Variants in CREB5 observed in about 807,000 individuals in gnomAD.
CREB5 encodes the protein cAMP responsive element binding protein 5, also known as cyclic AMP-responsive element-binding protein 5.
Under a neutral mutation model 57.1 loss-of-function variants are expected in CREB5, and 19 were observed. The ratio of observed to expected loss-of-function variants is 0.33; its 90% CI spans 0.23 to 0.49. The LOEUF (loss-of-function observed/expected upper bound fraction) is 0.49. CREB5 is among the 20% of genes least tolerant of loss of function. The pLI is 0.99. For missense variants in CREB5, 579 were observed against 671.6 expected (o/e 0.86, Z 1.52); for synonymous variants, 238 against 238.3 (o/e 1.00, Z 0.01).
At chr7:28,488,010 C>A (rs1471080104) in intron 1 of CREB5, among the ~76,000 whole-genome samples, 165 bp from the exon 2 acceptor site, 1 of 152,170 alleles carries the variant, frequency 6.6e-6, no homozygotes, top group Non-Finnish European at 1.5e-5. Context: ...AGAACTACAG[C>A]CAAGCAGGGC....
chr7:28,346,866 T>A (rs1032368789), intron 1 of CREB5, among the ~76,000 whole-genome samples: 1 of 148,860 alleles, frequency 6.7e-6, no homozygotes, highest in African/African-American at 2.5e-5. Context: ...GAGTGCCAAA[T>A]GGTCATGAAT....
chr7:28,621,247 T>G (rs982067442), intron 5 of CREB5, among the ~76,000 whole-genome samples: 3 of 152,100 alleles, frequency 2.0e-5, no homozygotes, highest in African/African-American at 4.8e-5. Context: ...TCTTGCCAGG[T>G]CAGGTGGTGT....
intron 1 of CREB5, among the ~76,000 whole-genome samples, chr7:28,340,200 C>T (rs1785908204): frequency 6.6e-6 from 1 of 151,912 alleles, no homozygotes; most frequent in East Asian, 1.9e-4. Flanking sequence ...TTTTCTCAAG[C>T]AGAAGGAATC....
At chr7:28,814,936 C>T (rs1809338486) in intron 9 of CREB5, among the ~76,000 whole-genome samples, 6 of 152,102 alleles carry the variant, frequency 3.9e-5, no homozygotes, top group African/African-American at 1.4e-4. Context: ...GTTCATTTTC[C>T]CACAATAACA....
intron 5 of CREB5, among the ~76,000 whole-genome samples, chr7:28,627,628 C>CA (rs1218830083): frequency 2.0e-5 from 3 of 152,004 alleles, no homozygotes; most frequent in Non-Finnish European, 4.4e-5. Context: ...TCTTGAAATG[C>CA]AAAAAAGGGT....
intron 2 of CREB5, among the ~76,000 whole-genome samples, chr7:28,490,708 T>C (rs1022721696): frequency 2.6e-5 from 4 of 152,240 alleles, no homozygotes; most frequent in Non-Finnish European, 4.4e-5. Context: ...CCACTTGTGA[T>C]GACCAAAAAT....
intron 1 of CREB5, among the ~76,000 whole-genome samples, chr7:28,444,721 G>A (rs1482336750): frequency 2.0e-5 from 3 of 152,206 alleles, no homozygotes; most frequent in Non-Finnish European, 4.4e-5. Context: ...GGCACCTGAA[G>A]CTATTGGCTC....
At chr7:28,554,849 G>T (rs1257222588) in intron 4 of CREB5, among the ~76,000 whole-genome samples, 3 of 152,222 alleles carry the variant, frequency 2.0e-5, no homozygotes, top group Non-Finnish European at 4.4e-5. Flanking sequence ...TCACATGAGC[G>T]AGTCAAGGAG....
At chr7:28,384,679 A>G (rs1010710196) in intron 1 of CREB5, among the ~76,000 whole-genome samples, 1 of 152,052 alleles carries the variant, frequency 6.6e-6, no homozygotes, top group Non-Finnish European at 1.5e-5. Context: ...AGAAGGAGAC[A>G]AGTTTAAGAT....
intron 5 of CREB5, among the ~76,000 whole-genome samples, chr7:28,654,299 C>G (rs1001644107): frequency 2.0e-5 from 3 of 152,208 alleles, no homozygotes; most frequent in Non-Finnish European, 2.9e-5. Context: ...TGACACCACT[C>G]GAACAGCTGG....
rs375461594 is a variant in CREB5, at chr7:28,570,914, G to A, written c.464+377G>A. On this transcript the variant is annotated intron_variant, in intron 5 of 10. Transcript: ENST00000357727. The stretch of plus-strand genomic sequence containing the variant: ...CTCAGCCTTGTCTCCAACAGAGTGT[G>A]CCCTTCCCTTCCTGGGAGCTGCCAC... Among the ~76,000 whole-genome samples, 55 of 152,186 alleles carry A rather than the reference G, an allele frequency of 3.6e-4. 1 individual carries two copies. In the South Asian group the frequency reaches 0.011, roughly 32 times the overall value.
intron 1 of CREB5, among the ~76,000 whole-genome samples, chr7:28,392,510 T>C (rs1230078175): frequency 1.3e-5 from 2 of 152,196 alleles, no homozygotes; most frequent in Non-Finnish European, 2.9e-5. Context: ...CAAATACATG[T>C]TATGCCTTGC....
intron 5 of CREB5, among the ~76,000 whole-genome samples, chr7:28,698,375 A>G (rs1163790077): frequency 8.5e-5 from 12 of 141,892 alleles, no homozygotes; most frequent in African/African-American, 3.2e-4. Context: ...AAAAAAACAC[A>G]CTCACAGGGC....
chr7:28,393,379 C>G (rs1286307516), intron 1 of CREB5, among the ~76,000 whole-genome samples: 1 of 152,192 alleles, frequency 6.6e-6, no homozygotes, highest in Non-Finnish European at 1.5e-5. Flanking sequence ...TCTCTCTGCT[C>G]TATTTCTGCC....
intron 7 of CREB5, among the ~76,000 whole-genome samples, chr7:28,798,150 C>T (rs951034940): frequency 6.6e-6 from 1 of 152,142 alleles, no homozygotes; most frequent in African/African-American, 2.4e-5. Context: ...AAACCAACAG[C>T]CATTTATAAT....
chr7:28,718,383 A>G (rs1297543317), intron 5 of CREB5, among the ~76,000 whole-genome samples: 3 of 152,234 alleles, frequency 2.0e-5, no homozygotes, highest in African/African-American at 7.2e-5. Flanking sequence ...ATAAATGTAC[A>G]TAGATCTCAG....
At chr7:28,808,087 C>G (rs996652502) in intron 8 of CREB5, among the ~76,000 whole-genome samples, 2 of 152,330 alleles carry the variant, frequency 1.3e-5, no homozygotes, top group Admixed American at 1.3e-4. Context: ...AATGCACAAG[C>G]AACTCTCACT....
chr7:28,411,695 AG>A (rs1787812460), upstream of CREB5, among the ~76,000 whole-genome samples: 2 of 152,156 alleles, frequency 1.3e-5, no homozygotes, highest in Non-Finnish European at 2.9e-5. Flanking sequence ...AATAAAGAAA[AG>A]TTTATATTGC....
intron 3 of CREB5, among the ~76,000 whole-genome samples, chr7:28,499,849 C>T (rs1222921294): frequency 6.6e-6 from 1 of 152,220 alleles, no homozygotes; most frequent in East Asian, 1.9e-4. Context: ...TCCCAAAGTG[C>T]TGGGATTACA....
Sources: gnomAD v4.1 joint callset for allele counts (sites outside exome capture counted in the v4.1 genomes callset) on GRCh38, gnomAD v4.1.1 for gene constraint, MANE v1.5 for transcripts, NCBI Gene and HGNC (gene_info 2026-07-23, HGNC 2026-07-21) for gene names.